Variants in SH3BGR observed in about 807,000 individuals in gnomAD.
The protein encoded by SH3BGR is SH3 domain binding glutamate rich protein.
Under a neutral mutation model 24.5 loss-of-function variants are expected in SH3BGR, and 29 were observed. That is an observed-to-expected ratio of 1.18 (90% CI 0.88 to 1.61). The LOEUF (loss-of-function observed/expected upper bound fraction) is 1.61. Ranked by LOEUF, SH3BGR falls within the 40% of genes most tolerant of loss-of-function variation. SH3BGR has a pLI of 0.00. For synonymous variants in SH3BGR, 55 were observed against 65.7 expected (o/e 0.84, Z 0.79); for missense variants, 162 against 205.8 (o/e 0.79, Z 1.30).
At chr21:39,485,523 A>C (rs1030584308) in intron 3 of SH3BGR, among the ~76,000 whole-genome samples, 12 of 152,134 alleles carry the variant, frequency 7.9e-5, no homozygotes, top group African/African-American at 2.7e-4. Flanking sequence ...TCCAGACAAA[A>C]ATTACTATCA....
At chr21:39,458,206 GCT>G (rs10539487) in intron 1 of SH3BGR, among the ~76,000 whole-genome samples, 78,074 of 151,708 alleles carry the variant, frequency 0.51, 20,454 homozygotes, top group East Asian at 0.68. Flanking sequence ...GGGCTCTTGT[GCT>G]CTGTAAAACA....
chr21:39,473,374 A>G (rs1239175054), intron 2 of SH3BGR, among the ~76,000 whole-genome samples: 2 of 152,230 alleles, frequency 1.3e-5, no homozygotes, highest in African/African-American at 4.8e-5. Flanking sequence ...TTAACGTGTT[A>G]TCTCATGTAA....
chr21:39,467,236 C>G (rs538401068), intron 2 of SH3BGR, among the ~76,000 whole-genome samples: 1 of 151,708 alleles, frequency 6.6e-6, no homozygotes, highest in African/African-American at 2.4e-5. Context: ...CATCTCTTAT[C>G]CCAGTTTGCT....
At chr21:39,499,280 A>G (rs77573630) in intron 3 of SH3BGR, among the ~76,000 whole-genome samples, 5,155 of 145,408 alleles carry the variant, frequency 0.035, 95 homozygotes, top group Middle Eastern at 0.071. Context: ...CTATCTATCT[A>G]TGTCTGTCTG....
intron 3 of SH3BGR, among the ~76,000 whole-genome samples, chr21:39,476,826 A>G (rs2078035513): frequency 1.3e-5 from 2 of 152,118 alleles, no homozygotes. Context: ...ACAAAAGGGA[A>G]TTTTCTATCC....
At chr21:39,488,736 C>A (rs1012999923) in intron 3 of SH3BGR, 1 of 452,958 alleles carries the variant, frequency 2.2e-6, no homozygotes, top group Non-Finnish European at 4.5e-6. Flanking sequence ...TGCTGGCGGC[C>A]GGGCATGAGG....
In SH3BGR at chr21:39,472,626, A is replaced by C. The variant is rs115398179; in HGVS notation, c.232-2509A>C. Among the ~76,000 whole-genome samples the C allele has an allele frequency of 2.2e-3, 331 of 152,258 alleles. 1 individual carries two copies. The highest frequency in any genetic ancestry group is 7.8e-3 in the African/African-American group (324 of 41,542). The stretch of plus-strand genomic sequence containing the variant: ...ACATGGCATGGGAATTTGAACTGCA[A>C]CCTCTCATGAATTCTACTTGTGGTT... On this transcript the variant is annotated intron_variant, in intron 2 of 6. Transcript: ENST00000333634.
upstream of SH3BGR, chr21:39,451,827 G>A: frequency 6.7e-7 from 1 of 1,489,950 alleles, no homozygotes; most frequent in Non-Finnish European, 9.2e-7. Context: ...AAAGGGTCCA[G>A]TGGCTGCTTT....
intron 2 of SH3BGR, among the ~76,000 whole-genome samples, chr21:39,464,856 A>G (rs1448263768): frequency 1.3e-5 from 2 of 152,244 alleles, no homozygotes; most frequent in East Asian, 3.9e-4. Flanking sequence ...GATGGTGGTG[A>G]TGAGGAATTT....
chr21:39,476,429 G>A (rs998385628), intron 3 of SH3BGR, among the ~76,000 whole-genome samples: 1 of 152,196 alleles, frequency 6.6e-6, no homozygotes. Context: ...GTGGTCTAAG[G>A]AGGGCTGGTA....
chr21:39,497,916 TAAG>T (rs1402752257), intron 3 of SH3BGR, among the ~76,000 whole-genome samples: 8 of 152,200 alleles, frequency 5.3e-5, no homozygotes, highest in Non-Finnish European at 8.8e-5. Context: ...TGAAAACTAA[TAAG>T]AATAGCCTCA....
intron 3 of SH3BGR, among the ~76,000 whole-genome samples, chr21:39,480,688 A>G (rs554494203): frequency 3.3e-5 from 5 of 152,310 alleles, no homozygotes; most frequent in Non-Finnish European, 5.9e-5. Context: ...TCGATTTCCA[A>G]TACTTCTACA....
At chr21:39,508,153 C>G (rs1353579347) in intron 4 of SH3BGR, among the ~76,000 whole-genome samples, 1 of 152,134 alleles carries the variant, frequency 6.6e-6, no homozygotes, top group Admixed American at 6.5e-5. Context: ...ACATTCAGTG[C>G]CCCCCGTCCA....
chr21:39,468,733 C>T (rs1207466645), intron 2 of SH3BGR, among the ~76,000 whole-genome samples: 1 of 152,206 alleles, frequency 6.6e-6, no homozygotes, highest in African/African-American at 2.4e-5. Flanking sequence ...ATCACTATGC[C>T]TAGACCTTAT....
chr21:39,490,436 C>G (rs1323515738), intron 3 of SH3BGR, among the ~76,000 whole-genome samples: 1 of 152,174 alleles, frequency 6.6e-6, no homozygotes, highest in Non-Finnish European at 1.5e-5. Context: ...ATATCTCCGA[C>G]CATGATTGTG....
chr21:39,512,505 T>C (rs1037988702), intron 6 of SH3BGR, among the ~76,000 whole-genome samples: 1 of 152,226 alleles, frequency 6.6e-6, no homozygotes, highest in African/African-American at 2.4e-5. Context: ...AAGTGCCACA[T>C]ATTAGTGAAC....
intron 5 of SH3BGR, 148 bp downstream of exon 5, chr21:39,509,175 A>T: frequency 1.7e-6 from 1 of 601,250 alleles, no homozygotes; most frequent in Non-Finnish European, 2.9e-6. Context: ...TAACATGCTG[A>T]GAAGGAAAGT....
chr21:39,478,320 A>C (rs1349726297), intron 3 of SH3BGR, among the ~76,000 whole-genome samples: 1 of 152,094 alleles, frequency 6.6e-6, no homozygotes, highest in East Asian at 1.9e-4. Flanking sequence ...ACGTTGCTGC[A>C]CCTCAGAACC....
intron 3 of SH3BGR, among the ~76,000 whole-genome samples, chr21:39,492,375 T>G (rs952418547): frequency 6.6e-6 from 1 of 152,036 alleles, no homozygotes; most frequent in Non-Finnish European, 1.5e-5. Flanking sequence ...AATAATAGTC[T>G]CCAATTCCAT....
Sources: gnomAD v4.1 joint callset for allele counts (sites outside exome capture counted in the v4.1 genomes callset) on GRCh38, gnomAD v4.1.1 for gene constraint, MANE v1.5 for transcripts, NCBI Gene and HGNC (gene_info 2026-07-23, HGNC 2026-07-21) for gene names.